VPS13B: variants seen among roughly 807,000 people sequenced by gnomAD.
VPS13B encodes the protein vacuolar protein sorting 13 homolog B.
In VPS13B, 285 loss-of-function variants were observed where a neutral mutation model predicts 426.4. That is an observed-to-expected ratio of 0.67 (90% CI 0.61 to 0.74). The LOEUF is 0.74. Ranked by LOEUF, VPS13B falls within the 30% of genes least tolerant of loss-of-function variation. The pLI is 0.00. For missense variants in VPS13B, 4,537 were observed against 4,782.6 expected (o/e 0.95, Z 1.51); for synonymous variants, 1,676 against 1,676.4 (o/e 1.00, Z 0.01).
Position 99,766,887 on chromosome 8 carries a change from C to G in VPS13B, c.7164C>G (p.Leu2388=). 3 of 1,613,942 alleles carry G rather than the reference C, an allele frequency of 1.9e-6. No homozygotes were observed. The highest frequency in any genetic ancestry group is 2.5e-6 in the Non-Finnish European group (3 of 1,179,946). The change falls in exon 40 of 62, where the codon CTC becomes CTG. Residue 2388 remains leucine, a synonymous_variant. Transcript: ENST00000357162. Reference sequence around the variant, plus strand: ...AACTGCAGTTGCCGGATATCAATCTCGTGAATGACCAGAAGAAATTAGTAT... The same window carrying G: ...AACTGCAGTTGCCGGATATCAATCTGGTGAATGACCAGAAGAAATTAGTAT... The part of the protein sequence containing the change: ...VCELQLPDIN[L]VNDQKKLVSS...
At chr8:99,058,089 T>C (rs1843979790) in intron 3 of VPS13B, among the ~76,000 whole-genome samples, 1 of 152,130 alleles carries the variant, frequency 6.6e-6, no homozygotes, top group South Asian at 2.1e-4. Context: ...CCAAGTTTTT[T>C]CTTTTTATAT....
chr8:99,085,280 G>C (rs1030893705), intron 3 of VPS13B, among the ~76,000 whole-genome samples: 1 of 152,034 alleles, frequency 6.6e-6, no homozygotes, highest in Non-Finnish European at 1.5e-5. Flanking sequence ...TGCAACCCCT[G>C]CCTTTTTTTG....
chr8:99,070,194 G>A (rs931220818), intron 3 of VPS13B, among the ~76,000 whole-genome samples: 5 of 152,254 alleles, frequency 3.3e-5, no homozygotes, highest in Non-Finnish European at 7.4e-5. Context: ...GATTACAGAC[G>A]TCAGCCAAAG....
At chr8:99,407,896 C>T (rs1815418390) in intron 21 of VPS13B, among the ~76,000 whole-genome samples, 1 of 152,114 alleles carries the variant, frequency 6.6e-6, no homozygotes, top group Non-Finnish European at 1.5e-5. Context: ...TTTTAAAAAT[C>T]TTTTTGTGAT....
At chr8:99,701,799 AT>A (rs1031396827) in intron 36 of VPS13B, among the ~76,000 whole-genome samples, 2 of 152,152 alleles carry the variant, frequency 1.3e-5, no homozygotes, top group African/African-American at 4.8e-5. Context: ...ACCAAAATCT[AT>A]TTTTAGTACA....
chr8:99,023,195 T>G (rs527277850), intron 2 of VPS13B, among the ~76,000 whole-genome samples: 17 of 151,812 alleles, frequency 1.1e-4, no homozygotes, highest in African/African-American at 3.6e-4. Flanking sequence ...CTTCCCAGCC[T>G]GTGGTCCAGC....
chr8:99,737,628 A>C (rs538074779), intron 39 of VPS13B, among the ~76,000 whole-genome samples: 21 of 152,348 alleles, frequency 1.4e-4, no homozygotes, highest in African/African-American at 3.8e-4. Flanking sequence ...TGCATTTATA[A>C]AATTAAACCA....
chr8:99,490,826 A>G (rs1379606790), intron 25 of VPS13B, among the ~76,000 whole-genome samples: 2 of 151,354 alleles, frequency 1.3e-5, no homozygotes, highest in Admixed American at 6.6e-5. Flanking sequence ...TGGTCTATCT[A>G]CTCTGTTGAT....
At chr8:99,033,403 G>A (rs1378894931) in intron 2 of VPS13B, among the ~76,000 whole-genome samples, 1 of 152,034 alleles carries the variant, frequency 6.6e-6, no homozygotes, top group Non-Finnish European at 1.5e-5. Context: ...CTGGCTTTCT[G>A]CAGTTTGACT....
intron 3 of VPS13B, among the ~76,000 whole-genome samples, chr8:99,081,531 C>T (rs988998695): frequency 6.6e-6 from 1 of 150,950 alleles, no homozygotes; most frequent in Non-Finnish European, 1.5e-5. Context: ...CCCATTAACT[C>T]GTCATTTAAC....
At chr8:99,293,229 A>G (rs1316908911) in intron 19 of VPS13B, among the ~76,000 whole-genome samples, 2 of 134,082 alleles carry the variant, frequency 1.5e-5, no homozygotes, top group African/African-American at 5.7e-5. Flanking sequence ...GCCCTCAGAA[A>G]TAATGCCGCA....
At chr8:99,147,142 C>T (rs781474493) in intron 13 of VPS13B, among the ~76,000 whole-genome samples, 2 of 151,170 alleles carry the variant, frequency 1.3e-5, no homozygotes, top group African/African-American at 2.4e-5. Context: ...GATGTAGTCT[C>T]GCTTTGTTGC....
At chr8:99,219,237 C>A (rs1180955682) in intron 17 of VPS13B, among the ~76,000 whole-genome samples, 1 of 152,086 alleles carries the variant, frequency 6.6e-6, no homozygotes, top group Non-Finnish European at 1.5e-5. Context: ...ATGAGAATGG[C>A]CTTGAATTTT....
At chr8:99,404,953 G>T (rs1176239995) in intron 21 of VPS13B, among the ~76,000 whole-genome samples, 1 of 152,202 alleles carries the variant, frequency 6.6e-6, no homozygotes, top group Non-Finnish European at 1.5e-5. Flanking sequence ...TAAAGGGAAA[G>T]CTGTAGACTT....
Position 99,192,929 on chromosome 8 carries a change from T to C in VPS13B, c.2387T>C (p.Leu796Pro). The change falls in exon 17 of 62, where the codon CTC (leucine) becomes CCC (proline). Residue 796 changes from leucine (L) to proline (P), a missense_variant. Physicochemically the swap from Leu to Pro is moderately conservative, Grantham distance 98. Transcript: ENST00000357162. ...ITEGIFELPN[L>P]TIQATRAQTL... ...GAAGGTATATTTGAACTTCCAAATC[T>C]CACAATTCAAGCTACAAGAGCACAG... 2 of 1,613,652 alleles carry C rather than the reference T, an allele frequency of 1.2e-6. No homozygotes were observed. Among genetic ancestry groups the C allele is most frequent in the Non-Finnish European group, 1.7e-6 (2 of 1,179,814 alleles).
rs767855455 is a variant in VPS13B, at chr8:99,078,715, G to T, written c.292-17597G>T. Among the ~76,000 whole-genome samples the T allele has an allele frequency of 2.0e-5, 3 of 152,144 alleles. 1 individual carries two copies. The highest frequency in any genetic ancestry group is 7.2e-5 in the African/African-American group (3 of 41,426). On this transcript the variant is annotated intron_variant, in intron 3 of 61. Transcript: ENST00000357162. ...TGGTGGGTCCTCAGAGTCTTGGGTA[G>T]TGTGATGGCATTGGTGGTAGCAATA...
At chr8:99,113,271 A>G (rs1353619860) in intron 6 of VPS13B, among the ~76,000 whole-genome samples, 1 of 151,846 alleles carries the variant, frequency 6.6e-6, no homozygotes, top group Non-Finnish European at 1.5e-5. Context: ...GCTCATTTTA[A>G]ATTGTTTTTT....
chr8:99,489,572 A>C (rs958582236), intron 25 of VPS13B, among the ~76,000 whole-genome samples: 1 of 151,832 alleles, frequency 6.6e-6, no homozygotes, highest in Admixed American at 6.6e-5. Context: ...GTCCTCTTTT[A>C]TTTTGTTGAG....
intron 14 of VPS13B, among the ~76,000 whole-genome samples, chr8:99,151,841 TAGTATTTTAAA>T (rs1321094866): frequency 6.6e-6 from 1 of 152,140 alleles, no homozygotes; most frequent in East Asian, 1.9e-4. Flanking sequence ...TGGCCTTTTT[TAGTATTTTAAA>T]AATTATCATT....
Sources: allele counts gnomAD v4.1 joint callset (sites outside exome capture counted in the v4.1 genomes callset), GRCh38; gene constraint gnomAD v4.1.1; transcripts MANE v1.5; gene names NCBI Gene and HGNC (gene_info 2026-07-23, HGNC 2026-07-21).